NTN4: variants seen among roughly 807,000 people sequenced by gnomAD.
NTN4 encodes the protein netrin 4.
NTN4 carries 32 observed loss-of-function variants against 73.6 expected under a neutral mutation model. That is an observed-to-expected ratio of 0.44 (90% CI 0.33 to 0.58). The LOEUF (loss-of-function observed/expected upper bound fraction) is 0.58. Among genes scored for constraint, NTN4 ranks in the 20% least tolerant of loss-of-function variants. The probability of loss-of-function intolerance (pLI) is 0.04; values close to 1 mark genes in which losing one functional copy is unlikely to be tolerated. For missense variants in NTN4, 654 were observed against 798.3 expected (o/e 0.82, Z 2.18); for synonymous variants, 258 against 287.5 (o/e 0.90, Z 1.04).
At chr12:95,753,950 A>G (rs982029603) in intron 2 of NTN4, among the ~76,000 whole-genome samples, 2 of 152,108 alleles carry the variant, frequency 1.3e-5, no homozygotes, top group Non-Finnish European at 2.9e-5. Context: ...CTACTCATAC[A>G]TGCCCTGCTC....
chr12:95,790,551 C>G lies in NTN4; in HGVS notation c.-242G>C. The stretch of plus-strand genomic sequence containing the variant: ...CGGGTCCCGGGCACCTGGGGGGCGG[C>G]GGGAGCCCCGGGACCATAGCCGGCC... On this transcript the variant is annotated 5_prime_UTR_variant, in exon 1 of 10. Coordinates refer to ENST00000343702, the MANE Select transcript of NTN4 (RefSeq NM_021229.4). The surrounding 1 kb of genome is among the most constrained non-coding windows in gnomAD (Gnocchi z 6.5). The G allele has an allele frequency of 3.1e-6, 1 of 323,020 alleles. No individual in the cohort carries two copies. 20.0% of individuals were successfully genotyped at this position (323,020 alleles called of 1,614,324 possible).
intron 2 of NTN4, among the ~76,000 whole-genome samples, chr12:95,749,521 TAATTTC>T (rs746137067): frequency 5.4e-4 from 82 of 152,336 alleles, no homozygotes; most frequent in Non-Finnish European, 9.4e-4. Flanking sequence ...TCCCTTCTCT[TAATTTC>T]AATTCCTTTC....
In NTN4 at chr12:95,768,116, C is replaced by A. The variant is rs115000226; in HGVS notation, c.585+18823G>T. Among the ~76,000 whole-genome samples, 361 of 152,254 alleles carry A rather than the reference C, an allele frequency of 2.4e-3. 3 individuals are homozygous for A. The highest frequency in any genetic ancestry group is 8.4e-3 in the African/African-American group (347 of 41,550). The stretch of plus-strand genomic sequence containing the variant: ...AAGAGTTGGTTTACTTGAGCAATAG[C>A]TATTGAATATGTCAGGCAGCACGTG... On this transcript the variant is annotated intron_variant, in intron 2 of 9. Coordinates refer to ENST00000343702, the MANE Select transcript of NTN4 (RefSeq NM_021229.4).
At chr12:95,785,865 A>G (rs935722041) in intron 2 of NTN4, among the ~76,000 whole-genome samples, 1 of 152,202 alleles carries the variant, frequency 6.6e-6, no homozygotes, top group Non-Finnish European at 1.5e-5. Flanking sequence ...AGGCTGTCTC[A>G]ACCTCGGTAC....
chr12:95,689,644 G>C (rs919732076), intron 5 of NTN4, among the ~76,000 whole-genome samples: 1 of 152,164 alleles, frequency 6.6e-6, no homozygotes, highest in Non-Finnish European at 1.5e-5. Context: ...ATTCAGAAAA[G>C]AAAAGTGGGA....
intron 5 of NTN4, among the ~76,000 whole-genome samples, chr12:95,697,113 T>C (rs2078448159): frequency 6.6e-6 from 1 of 151,598 alleles, no homozygotes; most frequent in South Asian, 2.1e-4. Context: ...AGGTCAAGGC[T>C]GCAGTGAGCT....
At chr12:95,741,403 C>T (rs1253875454) in intron 2 of NTN4, among the ~76,000 whole-genome samples, 2 of 104,856 alleles carry the variant, frequency 1.9e-5, no homozygotes, top group African/African-American at 6.9e-5. Context: ...ATAGGAAAAA[C>T]CTATAATGTA....
intron 5 of NTN4, among the ~76,000 whole-genome samples, chr12:95,690,069 C>T (rs186938357): frequency 1.3e-5 from 2 of 152,130 alleles, no homozygotes; most frequent in Admixed American, 6.5e-5. Context: ...AGATAATGTA[C>T]GTCACTAGCA....
intron 2 of NTN4, among the ~76,000 whole-genome samples, chr12:95,752,248 C>T (rs2078913915): frequency 1.3e-5 from 2 of 150,886 alleles, no homozygotes; most frequent in South Asian, 2.1e-4. Context: ...CGTTACAATT[C>T]CCCCATTTTA....
chr12:95,697,430 G>C (rs2078450816), intron 5 of NTN4, among the ~76,000 whole-genome samples: 1 of 152,084 alleles, frequency 6.6e-6, no homozygotes, highest in South Asian at 2.1e-4. Flanking sequence ...TGGATAATCT[G>C]ACAATATTTA....
At chr12:95,717,311 C>T (rs1366107982) in intron 3 of NTN4, among the ~76,000 whole-genome samples, 4 of 152,046 alleles carry the variant, frequency 2.6e-5, no homozygotes, top group Non-Finnish European at 4.4e-5. Flanking sequence ...CTCAGGAGTC[C>T]GCAGATATTT....
At chr12:95,720,743 T>C (rs2078641815) in intron 3 of NTN4, among the ~76,000 whole-genome samples, 1 of 152,202 alleles carries the variant, frequency 6.6e-6, no homozygotes, top group Non-Finnish European at 1.5e-5. Flanking sequence ...GGCATGTTGA[T>C]AAATATGTCC....
intron 5 of NTN4, among the ~76,000 whole-genome samples, chr12:95,708,241 A>G (rs896103587): frequency 4.0e-5 from 6 of 149,982 alleles, no homozygotes; most frequent in Non-Finnish European, 7.4e-5. Context: ...TTTCATTTTT[A>G]TTTCTTTATT....
intron 2 of NTN4, among the ~76,000 whole-genome samples, chr12:95,777,618 AAATAT>A (rs1356134088): frequency 1.3e-5 from 2 of 152,232 alleles, no homozygotes; most frequent in Admixed American, 1.3e-4. Context: ...TAACTATCCT[AAATAT>A]AGGATAGTTC....
At chr12:95,788,250 G>C (rs2079183850) in intron 1 of NTN4, among the ~76,000 whole-genome samples, 1 of 152,182 alleles carries the variant, frequency 6.6e-6, no homozygotes. Flanking sequence ...TTATAGAGTA[G>C]TTAACTGTTT....
chr12:95,713,440 G>T, intron 3 of NTN4, 102 bp from the exon 4 acceptor site: 2 of 1,319,014 alleles, frequency 1.5e-6, no homozygotes, highest in Non-Finnish European at 1.0e-6. Context: ...TTAGTCATAA[G>T]ATGTTCATTC....
Position 95,662,051 on chromosome 12 carries a change from C to T in NTN4, c.1751-2829G>A, listed in dbSNP as rs117543290. ...TGCAGGTTACAGAATGGAGCATATACTATGATATCGTTTTGGTTAAAAAAT... is the reference window on the plus strand; with the variant it reads ...TGCAGGTTACAGAATGGAGCATATATTATGATATCGTTTTGGTTAAAAAAT... On this transcript the variant is annotated intron_variant, in intron 9 of 9. Coordinates refer to ENST00000343702, the MANE Select transcript of NTN4 (RefSeq NM_021229.4). 2.1e-3 allele frequency among the ~76,000 whole-genome samples: 322 copies of T among 152,134 alleles called. 7 individuals carry two copies. The East Asian group carries it at 0.04, about 19-fold the overall frequency.
chr12:95,711,001 A>G (rs1565892589), intron 4 of NTN4, among the ~76,000 whole-genome samples: 1 of 152,158 alleles, frequency 6.6e-6, no homozygotes, highest in Non-Finnish European at 1.5e-5. Context: ...AAATAAATAA[A>G]TAAACTAAAA....
chr12:95,726,700 C>T (rs565708612), intron 3 of NTN4, among the ~76,000 whole-genome samples: 45 of 152,162 alleles, frequency 3.0e-4, no homozygotes, highest in Admixed American at 2.0e-4. Context: ...TGGTGGTTCA[C>T]GCCTGTAATC....
Sources: gnomAD v4.1 joint callset for allele counts (sites outside exome capture counted in the v4.1 genomes callset) on GRCh38, gnomAD v4.1.1 for gene constraint, Gnocchi (gnomAD v3.1) non-coding constraint, MANE v1.5 for transcripts, NCBI Gene and HGNC (gene_info 2026-07-23, HGNC 2026-07-21) for gene names.